The following KCNJ13 variants were observed in gnomAD, a reference collection of about 807,000 sequenced individuals.
KCNJ13 encodes potassium inwardly rectifying channel subfamily J member 13, also known as inward rectifier potassium channel 13.
KCNJ13 carries 9 observed loss-of-function variants against 24.6 expected under a neutral mutation model. The ratio of observed to expected loss-of-function variants is 0.37; its 90% confidence interval spans 0.22 to 0.64. KCNJ13 has a LOEUF of 0.64. Among genes scored for constraint, KCNJ13 ranks in the 30% least tolerant of loss-of-function variants. The pLI is 0.64. For missense variants in KCNJ13, 337 were observed against 443.8 expected, an observed-to-expected ratio of 0.76 and a Z score of 2.16; for synonymous variants, 148 against 154.7, an observed-to-expected ratio of 0.96 and a Z score of 0.32.
chr2:232,776,474 C>A lies in KCNJ13; in HGVS notation c.-46G>T. On this transcript the variant is annotated 5_prime_UTR_variant, in exon 1 of 3. Coordinates refer to ENST00000233826, the MANE Select transcript of KCNJ13 (RefSeq NM_002242.4). ...TCTTTTGCTGGGTCAGCCTTTATGCCAAGGTAGGTCTTAAGGAAATTTACA... is the reference window on the plus strand; with the variant it reads ...TCTTTTGCTGGGTCAGCCTTTATGCAAAGGTAGGTCTTAAGGAAATTTACA... 1.3e-6 allele frequency: 2 copies of A among 1,567,446 alleles called. No homozygotes were observed. The highest frequency in any genetic ancestry group is 1.8e-6 in the Non-Finnish European group (2 of 1,141,060).
At position 232,765,849 on chromosome 2, in the gene KCNJ13, A is replaced by G. The variant is rs1698937029; in HGVS notation, c.*2342T>C. The stretch of plus-strand genomic sequence containing the variant: ...AGGCCCCTGAGATTTTTAGGTAACG[A>G]CATGCCTCCAGTTTGTTGAAACTGT... On this transcript the variant is annotated 3_prime_UTR_variant, in exon 3 of 3. Transcript: ENST00000233826. 3 of 459,826 alleles carry G rather than the reference A, an allele frequency of 6.5e-6. No individual in the cohort carries two copies. Among genetic ancestry groups the G allele is most frequent in the Admixed American group, 4.8e-5 (2 of 41,536 alleles). 28.5% of individuals were successfully genotyped at this position (459,826 alleles called of 1,614,324 possible). A position where few individuals can be genotyped will look rare whatever the true frequency, so the allele number is the denominator to read the frequency against.
rs1559413861 is a variant in KCNJ13, at chr2:232,766,007, A to G, written c.*2184T>C. On this transcript the variant is annotated 3_prime_UTR_variant, in exon 3 of 3. Transcript: ENST00000233826. ...TAGTGAGCTGCACATCCAGAAAGGC[A>G]GAGCAGCCATTCCTCCCTCCCAGTA... The G allele has an allele frequency of 2.1e-6, 1 of 471,158 alleles. No individual in the cohort carries two copies. Among genetic ancestry groups the G allele is most frequent in the Non-Finnish European group, 4.4e-6 (1 of 227,028 alleles). The allele number at this position is 471,158 out of a possible 1,614,324, so 29.2% of individuals were successfully genotyped here.
chr2:232,768,755 A>G lies in KCNJ13; in HGVS notation c.519T>C (p.Thr173=). Residue 173 remains threonine, a synonymous_variant, in exon 3 of 3, where the codon ACT becomes ACC. Coordinates refer to ENST00000233826, the MANE Select transcript of KCNJ13 (RefSeq NM_002242.4). The stretch of plus-strand genomic sequence containing the variant: ...CCATGTGAGCTACTACTGCTGTGTC[A>G]GTAAAGCGAATTGAAAAAGCTCGAT... ...PKNRAFSIRF[T]DTAVVAHMDG... is the part of the protein sequence containing the mutation. 1.3e-6 allele frequency: 2 copies of G among 1,599,860 alleles called. No homozygotes were observed. Among genetic ancestry groups the G allele is most frequent in the Non-Finnish European group, 1.7e-6 (2 of 1,169,584 alleles).
rs184630975 is a variant in KCNJ13 at position 232,775,480 on chromosome 2, G to A, written c.-17+965C>T. 2.1e-3 allele frequency among the ~76,000 whole-genome samples: 327 copies of A among 152,212 alleles called. 3 individuals are homozygous for A. The highest frequency in any genetic ancestry group is 8.5e-3 in the Admixed American group (130 of 15,280). On this transcript the variant is annotated intron_variant, in intron 1 of 2. Transcript: ENST00000233826. ...TTTCTGTATAGTTTGATGTCTGCTCGTATGGTTTAAAAAATTATACTATTG... is the reference window on the plus strand; with the variant it reads ...TTTCTGTATAGTTTGATGTCTGCTCATATGGTTTAAAAAATTATACTATTG...
chr2:232,768,871 T>C, intron 2 of KCNJ13, 58 bp from the exon 3 acceptor site: 1 of 1,433,014 alleles, frequency 7.0e-7, no homozygotes, highest in Non-Finnish European at 9.6e-7. Context: ...TCAATACTTT[T>C]TCTGAATGAC....
chr2:232,767,507 C>T lies in KCNJ13; in HGVS notation c.*684G>A, dbSNP rs1699023331. On this transcript the variant is annotated 3_prime_UTR_variant, in exon 3 of 3. Coordinates refer to ENST00000233826, the MANE Select transcript of KCNJ13 (RefSeq NM_002242.4). ...ATGCAAAATACCACCCCACAGGTTC[C>T]ATTTGGGCTGGAGCTTATCTGATCA... The T allele has an allele frequency of 1.3e-5, 2 of 152,608 alleles. No homozygotes were observed. Among genetic ancestry groups the T allele is most frequent in the Admixed American group, 1.3e-4 (2 of 15,280 alleles). 9.5% of individuals were successfully genotyped at this position (152,608 alleles called of 1,614,324 possible).
chr2:232,772,268 T>G (rs770188558), intron 1 of KCNJ13, among the ~76,000 whole-genome samples: 25 of 152,130 alleles, frequency 1.6e-4, no homozygotes, highest in Non-Finnish European at 2.6e-4. Flanking sequence ...TGCAACCATG[T>G]TCGTGGATTC....
chr2:232,776,022 C>T (rs533285555), intron 1 of KCNJ13, among the ~76,000 whole-genome samples: 46 of 152,238 alleles, frequency 3.0e-4, no homozygotes, highest in South Asian at 8.3e-4. Context: ...TTAGGATACT[C>T]ATCACTTTCT....
chr2:232,775,500 C>T (rs529456441), intron 1 of KCNJ13, among the ~76,000 whole-genome samples: 1 of 152,232 alleles, frequency 6.6e-6, no homozygotes, highest in African/African-American at 2.4e-5. Context: ...AAAAATTATA[C>T]TATTGTTACC....
intron 2 of KCNJ13, among the ~76,000 whole-genome samples, chr2:232,769,615 T>C (rs975005681): frequency 2.0e-5 from 3 of 152,024 alleles, no homozygotes; most frequent in African/African-American, 7.2e-5. Context: ...GAGGACTGAC[T>C]ATCAGGTAAT....
Position 232,767,552 on chromosome 2 carries a change from G to T in KCNJ13, c.*639C>A, listed in dbSNP as rs952966354. The T allele has an allele frequency of 3.9e-5, 6 of 152,982 alleles. No homozygotes were observed. Among genetic ancestry groups the T allele is most frequent in the Non-Finnish European group, 4.4e-5 (3 of 68,358 alleles). 9.5% of individuals were successfully genotyped at this position (152,982 alleles called of 1,614,324 possible). A position where few individuals can be genotyped will look rare whatever the true frequency, so the allele number is the denominator to read the frequency against. On this transcript the variant is annotated 3_prime_UTR_variant, in exon 3 of 3. Transcript: ENST00000233826. The stretch of plus-strand genomic sequence containing the variant: ...TGATCACCTTCTGCCACAAATAAGT[G>T]AACATATATGTATGTGTTCGGGTGT...
intron 1 of KCNJ13, among the ~76,000 whole-genome samples, chr2:232,775,879 C>G (rs1699490570): frequency 6.6e-6 from 1 of 152,148 alleles, no homozygotes; most frequent in Non-Finnish European, 1.5e-5. Flanking sequence ...ATGATTTCTC[C>G]TGCCCTCCAC....
At chr2:232,774,980 AT>A (rs1350518498) in intron 1 of KCNJ13, among the ~76,000 whole-genome samples, 1 of 151,330 alleles carries the variant, frequency 6.6e-6, no homozygotes, top group Non-Finnish European at 1.5e-5. Context: ...TTACAATTGT[AT>A]TTTTTTTCTC....
chr2:232,770,728 A>AT (rs59336151), intron 2 of KCNJ13, among the ~76,000 whole-genome samples, 175 bp downstream of exon 2: 47,930 of 150,960 alleles, frequency 0.32, 7,939 homozygotes, highest in South Asian at 0.62. Flanking sequence ...CATTTCTCCT[A>AT]TTTTTTTTGG....
chr2:232,771,593 C>T (rs1243494281), intron 1 of KCNJ13, among the ~76,000 whole-genome samples: 1 of 152,102 alleles, frequency 6.6e-6, no homozygotes, highest in Non-Finnish European at 1.5e-5. Flanking sequence ...TCTATTGTTT[C>T]TTTGAATGAC....
In KCNJ13 at chr2:232,766,628, A is replaced by G. The variant is rs1259282011; in HGVS notation, c.*1563T>C. The G allele has an allele frequency of 6.6e-6, 1 of 152,374 alleles. No homozygotes were observed. Among genetic ancestry groups the G allele is most frequent in the Non-Finnish European group, 1.5e-5 (1 of 68,162 alleles). The allele number at this position is 152,374 out of a possible 1,614,324, so 9.4% of individuals were successfully genotyped here. A position where few individuals can be genotyped will look rare whatever the true frequency, so the allele number is the denominator to read the frequency against. On this transcript the variant is annotated 3_prime_UTR_variant, in exon 3 of 3. Coordinates refer to ENST00000233826, the MANE Select transcript of KCNJ13 (RefSeq NM_002242.4). ...TGAATGTCTAAGATTTTCAAACAGC[A>G]AAAGTTCACAATAATTAAGTTTCTG...
At position 232,767,770 on chromosome 2, in the gene KCNJ13, AGTC is replaced by A. The variant is rs1699035887; in HGVS notation, c.*418_*420del. The A allele has an allele frequency of 4.5e-6, 1 of 223,618 alleles. No homozygotes were observed. Among genetic ancestry groups the A allele is most frequent in the Admixed American group, 5.3e-5 (1 of 19,016 alleles). The allele number at this position is 223,618 out of a possible 1,614,324, so 13.9% of individuals were successfully genotyped here. On this transcript the variant is annotated 3_prime_UTR_variant, in exon 3 of 3. Coordinates refer to ENST00000233826, the MANE Select transcript of KCNJ13 (RefSeq NM_002242.4). ...AAAGGATATTCACTAAGTATAGTGA[AGTC>A]GTCATTCCACCCAGGGAGCTAGGTT...
intron 2 of KCNJ13, among the ~76,000 whole-genome samples, chr2:232,770,195 A>G (rs1288769290): frequency 2.6e-5 from 4 of 152,196 alleles, no homozygotes; most frequent in Non-Finnish European, 4.4e-5. Flanking sequence ...ATACGGCCCA[A>G]TGCTTACCTT....
In KCNJ13 at chr2:232,765,880, T is replaced by C; in HGVS notation, c.*2311A>G. ...CTCCAGTTTGTTGAAACTGTCATGC[T>C]ATCTTTATCAGTTTCCAAAGGAACG... On this transcript the variant is annotated 3_prime_UTR_variant, in exon 3 of 3. Transcript: ENST00000233826. 1 of 468,828 alleles carries C rather than the reference T, an allele frequency of 2.1e-6. No homozygotes were observed. The highest frequency in any genetic ancestry group is 1.6e-5 in the South Asian group (1 of 64,058). 29.0% of individuals were successfully genotyped at this position (468,828 alleles called of 1,614,324 possible). A position where few individuals can be genotyped will look rare whatever the true frequency, so the allele number is the denominator to read the frequency against.
Sources: allele counts gnomAD v4.1 joint callset (sites outside exome capture counted in the v4.1 genomes callset), GRCh38; gene constraint gnomAD v4.1.1; transcripts MANE v1.5; gene names NCBI Gene and HGNC (gene_info 2026-07-23, HGNC 2026-07-21).